Variants in CDH23 observed in about 807,000 individuals in gnomAD.
CDH23 encodes cadherin related 23.
A neutral mutation model predicts 317.1 loss-of-function variants in CDH23; 189 were observed. The observed-to-expected ratio is 0.60, with a 90% CI of 0.53 to 0.67. The LOEUF is 0.67. CDH23 is among the 30% of genes least tolerant of loss of function. CDH23 has a pLI of 0.00. For missense variants in CDH23, 4,401 were observed against 4,592.4 expected, an observed-to-expected ratio of 0.96 and a Z score of 1.20; for synonymous variants, 1,839 against 1,876.8, an observed-to-expected ratio of 0.98 and a Z score of 0.52.
chr10:71,526,827 G>C (rs1449331553), intron 6 of CDH23, among the ~76,000 whole-genome samples: 1 of 152,160 alleles, frequency 6.6e-6, no homozygotes. Flanking sequence ...GGCTCAGAGA[G>C]GTTAAGTCTT....
intron 69 of CDH23, among the ~76,000 whole-genome samples, chr10:71,814,578 G>T (rs995618192): frequency 5.3e-5 from 8 of 152,212 alleles, no homozygotes; most frequent in Admixed American, 1.3e-4. Context: ...AGAATCACTT[G>T]AAGTCAGGAG....
At chr10:71,404,542 G>T (rs1310074411) in intron 1 of CDH23, among the ~76,000 whole-genome samples, 2 of 152,240 alleles carry the variant, frequency 1.3e-5, no homozygotes, top group African/African-American at 4.8e-5. Flanking sequence ...TTTACAAGTG[G>T]TGAAACTGAG....
At chr10:71,761,316 T>A (rs1840377742) in intron 38 of CDH23, among the ~76,000 whole-genome samples, 1 of 152,196 alleles carries the variant, frequency 6.6e-6, no homozygotes, top group Admixed American at 6.5e-5. Context: ...GATGTCATCA[T>A]GAGCAGTCAC....
intron 16 of CDH23, 52 bp downstream of exon 16, chr10:71,677,745 T>G: frequency 1.4e-6 from 2 of 1,402,816 alleles, no homozygotes; most frequent in Non-Finnish European, 2.0e-6. Flanking sequence ...GCCTTCTCCC[T>G]GTACTTGCTT....
At chr10:71,739,883 C>G (rs953661114) in intron 36 of CDH23, 111 bp downstream of exon 36, 12 of 1,250,392 alleles carry the variant, frequency 9.6e-6, no homozygotes, top group Non-Finnish European at 1.3e-5. Context: ...GTGGTCAGTG[C>G]CCCTGCTGTC....
At chr10:71,719,092 TA>T (rs1004805574) in intron 28 of CDH23, among the ~76,000 whole-genome samples, 108 of 148,046 alleles carry the variant, frequency 7.3e-4, no homozygotes, top group African/African-American at 2.2e-3. Flanking sequence ...AAATAAAAAA[TA>T]AAAAAAAAAT....
At chr10:71,779,471 A>C (rs762315929) in intron 41 of CDH23, 24 bp downstream of exon 41, 1 of 1,577,508 alleles carries the variant, frequency 6.3e-7, no homozygotes, top group Non-Finnish European at 8.7e-7. Flanking sequence ...GGGGCATGCC[A>C]CCCACAGGGT....
intron 11 of CDH23, among the ~76,000 whole-genome samples, chr10:71,623,752 A>C (rs1400045122): frequency 6.6e-6 from 1 of 152,338 alleles, no homozygotes; most frequent in East Asian, 1.9e-4. Context: ...CTAAAAGTCC[A>C]ATAGAAACTG....
chr10:71,800,694 C>T lies in CDH23; in HGVS notation c.7421C>T (p.Thr2474Ile), dbSNP rs371693299. 1.4e-5 allele frequency: 22 copies of T among 1,613,926 alleles called. No homozygotes were observed. The African/African-American group carries it at 2.7e-4, about 20-fold the overall frequency. ...DREKKDHYIL[T>I]ALAKDNPGDV... ...GAGAAGAAGGACCACTATATCCTGACTGCCTTGGCCAAAGACAACCCTGGG... is the reference window on the plus strand; with the variant it reads ...GAGAAGAAGGACCACTATATCCTGATTGCCTTGGCCAAAGACAACCCTGGG... The change falls in exon 53 of 70, where the codon ACT (threonine) becomes ATT (isoleucine). Residue 2474 changes from threonine to isoleucine, a missense_variant. Transcript: ENST00000224721.
At chr10:71,451,801 GC>G in intron 3 of CDH23, among the ~76,000 whole-genome samples, 1 of 152,336 alleles carries the variant, frequency 6.6e-6, no homozygotes, top group East Asian at 1.9e-4. Flanking sequence ...CTAGCCCTGC[GC>G]CTGGTGTGCG....
At chr10:71,727,035 C>T (rs1448352396) in intron 30 of CDH23, among the ~76,000 whole-genome samples, 3 of 152,230 alleles carry the variant, frequency 2.0e-5, no homozygotes, top group Admixed American at 6.5e-5. Flanking sequence ...CAGCTACTTA[C>T]GTCCTGCCCG....
intron 6 of CDH23, among the ~76,000 whole-genome samples, chr10:71,524,844 GA>G (rs1854935438): frequency 1.3e-5 from 2 of 152,160 alleles, no homozygotes; most frequent in South Asian, 4.1e-4. Context: ...CTGAAAAAGG[GA>G]AGGAAACAGA....
At chr10:71,455,208 A>G (rs904672380) in intron 3 of CDH23, among the ~76,000 whole-genome samples, 10 of 152,182 alleles carry the variant, frequency 6.6e-5, no homozygotes, top group African/African-American at 2.2e-4. Flanking sequence ...TGAAAATTGT[A>G]CAGAGTTCCC....
At chr10:71,808,166 C>T (rs1024140325) in intron 60 of CDH23, among the ~76,000 whole-genome samples, 159 bp downstream of exon 60, 6 of 152,226 alleles carry the variant, frequency 3.9e-5, no homozygotes, top group South Asian at 2.1e-4. Flanking sequence ...TTCAGCAATC[C>T]GTTCTCCAGT....
chr10:71,694,845 T>C (rs1865318999), intron 21 of CDH23, among the ~76,000 whole-genome samples: 1 of 152,200 alleles, frequency 6.6e-6, no homozygotes, highest in South Asian at 2.1e-4. Context: ...ATTCGGTTTC[T>C]TTGGCTCACC....
chr10:71,410,518 A>G (rs1848302318), intron 1 of CDH23, among the ~76,000 whole-genome samples: 1 of 152,224 alleles, frequency 6.6e-6, no homozygotes. Context: ...AGACTTCTTA[A>G]GGCAACTTTT....
In CDH23 at chr10:71,751,146, G is replaced by T; in HGVS notation, c.4845+9225G>T. 1 of 1,317,728 alleles carries T rather than the reference G, an allele frequency of 7.6e-7. No homozygotes were observed. Among genetic ancestry groups the T allele is most frequent in the Non-Finnish European group, 1.0e-6 (1 of 953,536 alleles). The allele number at this position is 1,317,728 out of a possible 1,614,324, so 81.6% of individuals were successfully genotyped here. ...CACAGTATCTGAGCCCAGAGCAGGA[G>T]GGAGGGAACCAGGGCCGAGGCCAAG... On this transcript the variant is annotated intron_variant, in intron 38 of 69. Coordinates refer to ENST00000224721, the MANE Select transcript of CDH23 (RefSeq NM_022124.6). The surrounding 1 kb of genome is among the most constrained non-coding windows in gnomAD (Gnocchi z 4.9).
At chr10:71,632,378 G>A (rs1485978140) in intron 11 of CDH23, among the ~76,000 whole-genome samples, 3 of 152,210 alleles carry the variant, frequency 2.0e-5, no homozygotes, top group Non-Finnish European at 4.4e-5. Flanking sequence ...AGGCAATTGG[G>A]AGCCATAGAT....
chr10:71,764,405 GA>G (rs546257834), intron 38 of CDH23, among the ~76,000 whole-genome samples: 2 of 151,802 alleles, frequency 1.3e-5, no homozygotes, highest in South Asian at 2.1e-4. Context: ...CTATACTGAT[GA>G]AAAAAAAGGC....
Sources: allele counts gnomAD v4.1 joint callset (sites outside exome capture counted in the v4.1 genomes callset), GRCh38; gene constraint gnomAD v4.1.1; non-coding constraint Gnocchi (gnomAD v3.1); transcripts MANE v1.5; gene names NCBI Gene and HGNC (gene_info 2026-07-23, HGNC 2026-07-21).